Variants in FBXW8 observed in about 807,000 individuals in gnomAD.
FBXW8 encodes the protein F-box/WD repeat-containing protein 8.
In FBXW8, 57 loss-of-function variants were observed where a neutral mutation model predicts 65.3. The ratio of observed to expected loss-of-function variants is 0.87; its 90% CI spans 0.71 to 1.09. The LOEUF (loss-of-function observed/expected upper bound fraction) is 1.09. FBXW8 is among the 50% of genes least tolerant of loss of function. FBXW8 has a pLI of 0.00. For missense variants in FBXW8, 777 were observed against 814.8 expected, an observed-to-expected ratio of 0.95 and a Z score of 0.57; for synonymous variants, 308 against 330.2, an observed-to-expected ratio of 0.93 and a Z score of 0.73.
intron 8 of FBXW8, among the ~76,000 whole-genome samples, chr12:117,022,109 G>C (rs1954113471): frequency 6.6e-6 from 1 of 152,166 alleles, no homozygotes; most frequent in Non-Finnish European, 1.5e-5. Flanking sequence ...GAGGCAGCTG[G>C]TCCTTAACAG....
intron 4 of FBXW8, among the ~76,000 whole-genome samples, chr12:116,962,926 G>A (rs1472921175): frequency 6.6e-6 from 1 of 152,222 alleles, no homozygotes; most frequent in Admixed American, 6.5e-5. Context: ...TCCTCATTGA[G>A]AAGGGTGAGC....
At chr12:116,945,822 G>C (rs140073306) in intron 3 of FBXW8, among the ~76,000 whole-genome samples, 5 of 152,320 alleles carry the variant, frequency 3.3e-5, no homozygotes, top group Non-Finnish European at 7.4e-5. Flanking sequence ...GGAGTGCTCT[G>C]TGCAGCCCCT....
At chr12:116,989,220 T>C (rs1953177560) in intron 7 of FBXW8, among the ~76,000 whole-genome samples, 1 of 152,220 alleles carries the variant, frequency 6.6e-6, no homozygotes, top group African/African-American at 2.4e-5. Flanking sequence ...TACTCCATAA[T>C]GTGCCTTGGA....
chr12:116,956,806 A>G (rs566342157), intron 4 of FBXW8, among the ~76,000 whole-genome samples: 4 of 151,966 alleles, frequency 2.6e-5, no homozygotes, highest in African/African-American at 9.7e-5. Flanking sequence ...TGTCTCTACT[A>G]AAAATAGAAA....
chr12:116,939,465 T>A (rs1445195814), intron 2 of FBXW8, among the ~76,000 whole-genome samples: 1 of 152,208 alleles, frequency 6.6e-6, no homozygotes, highest in Non-Finnish European at 1.5e-5. Flanking sequence ...CCTAAGCTCA[T>A]TTGAGCGTGG....
intron 10 of FBXW8, 126 bp downstream of exon 10, chr12:117,027,630 C>G: frequency 1.3e-6 from 1 of 762,896 alleles, no homozygotes; most frequent in Non-Finnish European, 2.2e-6. Flanking sequence ...TGCCTTTCTG[C>G]GAATTGGAAA....
At chr12:116,998,700 A>G (rs898651266) in intron 7 of FBXW8, among the ~76,000 whole-genome samples, 47 of 129,840 alleles carry the variant, frequency 3.6e-4, no homozygotes, top group South Asian at 2.7e-4. Context: ...AGGGAGCCCT[A>G]TTAGAAATGT....
At chr12:117,021,738 CTTTCCGATTT>C (rs1162978575) in intron 8 of FBXW8, among the ~76,000 whole-genome samples, 1 of 151,604 alleles carries the variant, frequency 6.6e-6, no homozygotes, top group Non-Finnish European at 1.5e-5. Context: ...CTACCCACTT[CTTTCCGATTT>C]TTTTTAACCT....
At chr12:116,928,576 A>G (rs1881521507) in intron 2 of FBXW8, among the ~76,000 whole-genome samples, 1 of 152,168 alleles carries the variant, frequency 6.6e-6, no homozygotes, top group Admixed American at 6.5e-5. Context: ...AGTCCAAATT[A>G]CCCTTTAAAC....
intron 5 of FBXW8, chr12:116,979,715 T>C (rs1025871054): frequency 6.8e-6 from 1 of 146,474 alleles, no homozygotes; most frequent in Admixed American, 6.9e-5. Flanking sequence ...GTTTCTCTAG[T>C]GTGGGGCAAA....
intron 4 of FBXW8, among the ~76,000 whole-genome samples, chr12:116,952,787 G>T (rs1179937246): frequency 2.6e-5 from 4 of 152,086 alleles, no homozygotes; most frequent in Non-Finnish European, 4.4e-5. Context: ...GCCCAGGCTG[G>T]AGTGCAGTGG....
chr12:117,023,073 T>G (rs181668069), intron 8 of FBXW8, among the ~76,000 whole-genome samples: 19 of 152,276 alleles, frequency 1.2e-4, no homozygotes, highest in Admixed American at 1.2e-3. Context: ...AAAGAAGTCT[T>G]TCTTTATTAT....
At chr12:117,000,681 A>G (rs760350390) in intron 7 of FBXW8, among the ~76,000 whole-genome samples, 1 of 152,184 alleles carries the variant, frequency 6.6e-6, no homozygotes, top group African/African-American at 2.4e-5. Flanking sequence ...CCTGGTGCCA[A>G]AACTTCCTAA....
rs1444457441 is a variant in FBXW8, at chr12:116,911,083, G to A, written c.46G>A (p.Glu16Lys). Residue 16 changes from glutamate (E) to lysine (K), a missense_variant, in exon 1 of 11, where the codon GAG becomes AAG. By Grantham distance (56) the Glu-to-Lys change is moderately conservative. Transcript: ENST00000652555. Reference protein sequence around the residue: ...LDEFRRRWQEELAQAQAPKKR... With the variant: ...LDEFRRRWQEKLAQAQAPKKR... ...TGAGTTCCGTCGGCGCTGGCAGGAG[G>A]AGCTGGCGCAGGCCCAGGCGCCGAA... is the stretch of plus-strand genomic sequence containing the variant. 2 of 1,448,644 alleles carry A rather than the reference G, an allele frequency of 1.4e-6. No individual in the cohort carries two copies. Among genetic ancestry groups the A allele is most frequent in the South Asian group, 1.4e-5 (1 of 72,970 alleles). 89.7% of individuals were successfully genotyped at this position (1,448,644 alleles called of 1,614,324 possible). A position where few individuals can be genotyped will look rare whatever the true frequency, so the allele number is the denominator to read the frequency against.
At chr12:116,915,088 A>T (rs1237663615) in intron 1 of FBXW8, among the ~76,000 whole-genome samples, 1 of 152,236 alleles carries the variant, frequency 6.6e-6, no homozygotes, top group Non-Finnish European at 1.5e-5. Flanking sequence ...TTTAGATAAT[A>T]AACCTACTCC....
chr12:116,954,863 T>C (rs374444844), intron 4 of FBXW8, among the ~76,000 whole-genome samples: 36 of 152,260 alleles, frequency 2.4e-4, no homozygotes, highest in African/African-American at 7.0e-4. Flanking sequence ...CTCCTGCCCC[T>C]CTTCCTTCCT....
At chr12:116,947,518 C>T (rs1883008576) in intron 3 of FBXW8, among the ~76,000 whole-genome samples, 1 of 151,968 alleles carries the variant, frequency 6.6e-6, no homozygotes. Flanking sequence ...GAGGCTGAGG[C>T]GGATGGATCA....
intron 2 of FBXW8, among the ~76,000 whole-genome samples, chr12:116,933,857 CAG>C (rs1298048700): frequency 6.6e-6 from 1 of 152,122 alleles, no homozygotes; most frequent in Non-Finnish European, 1.5e-5. Context: ...TATTTTGAAA[CAG>C]GGAGGAAATC....
At chr12:116,952,622 C>T (rs1438485316) in intron 4 of FBXW8, among the ~76,000 whole-genome samples, 1 of 152,216 alleles carries the variant, frequency 6.6e-6, no homozygotes, top group Non-Finnish European at 1.5e-5. Flanking sequence ...CTTGCTGTTT[C>T]ACTGAAACAT....
Sources: gnomAD v4.1 joint callset for allele counts (sites outside exome capture counted in the v4.1 genomes callset) on GRCh38, gnomAD v4.1.1 for gene constraint, MANE v1.5 for transcripts, NCBI Gene and HGNC (gene_info 2026-07-23, HGNC 2026-07-21) for gene names.